METTL15: variants seen among roughly 807,000 people sequenced by gnomAD.
The protein encoded by METTL15 is methyltransferase 15, mitochondrial 12S rRNA N4-cytidine, also known as 12S rRNA N(4)-cytidine methyltransferase METTL15.
In METTL15, 34 loss-of-function variants were observed where a neutral mutation model predicts 38.3. That is an observed-to-expected ratio of 0.89 (90% CI 0.68 to 1.18). The LOEUF is 1.18. METTL15 is among the 50% of genes most tolerant of loss of function. The pLI is 0.00. For synonymous variants in METTL15, 162 were observed against 170.9 expected, an observed-to-expected ratio of 0.95 and a Z score of 0.41; for missense variants, 438 against 498.4, an observed-to-expected ratio of 0.88 and a Z score of 1.15.
chr11:28,308,892 G>GTAGATGGATAGA (rs1555031567), intron 6 of METTL15, among the ~76,000 whole-genome samples: 3 of 146,896 alleles, frequency 2.0e-5, no homozygotes, highest in African/African-American at 5.0e-5. Flanking sequence ...AGGTAGGTAG[G>GTAGATGGATAGA]TAGATAGATA....
At chr11:28,141,140 C>T (rs2133660374) in intron 3 of METTL15, among the ~76,000 whole-genome samples, 1 of 152,160 alleles carries the variant, frequency 6.6e-6, no homozygotes, top group Non-Finnish European at 1.5e-5. Flanking sequence ...AGTTTGGAGG[C>T]TAGGGTTTTT....
chr11:28,507,046 C>T (rs1851634083), intron 6 of METTL15, among the ~76,000 whole-genome samples: 1 of 152,128 alleles, frequency 6.6e-6, no homozygotes, highest in African/African-American at 2.4e-5. Flanking sequence ...GGGCCTGGCC[C>T]TCAGTCTTTT....
intron 5 of METTL15, among the ~76,000 whole-genome samples, chr11:28,417,482 G>T (rs780212209): frequency 1.3e-5 from 2 of 152,156 alleles, no homozygotes; most frequent in Admixed American, 1.3e-4. Flanking sequence ...ATCACAAAAA[G>T]CTCAGATTGT....
chr11:28,463,626 T>C (rs1382902859), intron 6 of METTL15, among the ~76,000 whole-genome samples: 2 of 152,140 alleles, frequency 1.3e-5, no homozygotes, highest in Non-Finnish European at 2.9e-5. Context: ...CTTATGCAGA[T>C]AACGACTCCA....
chr11:28,240,833 A>G (rs1854263147), intron 4 of METTL15, among the ~76,000 whole-genome samples: 1 of 152,204 alleles, frequency 6.6e-6, no homozygotes, highest in Non-Finnish European at 1.5e-5. Flanking sequence ...AGTTTTTTTA[A>G]TAAAGATTAA....
At chr11:28,281,129 C>T (rs1423391757) in intron 4 of METTL15, among the ~76,000 whole-genome samples, 1 of 152,142 alleles carries the variant, frequency 6.6e-6, no homozygotes, top group African/African-American at 2.4e-5. Flanking sequence ...CCAGATACCA[C>T]TTAATGTTGC....
intron 5 of METTL15, among the ~76,000 whole-genome samples, chr11:28,400,417 A>G (rs997797995): frequency 1.3e-5 from 2 of 151,952 alleles, no homozygotes; most frequent in South Asian, 2.1e-4. Flanking sequence ...GATGTGAACC[A>G]TAGGGATTGC....
intron 3 of METTL15, among the ~76,000 whole-genome samples, chr11:28,210,779 G>C (rs532637553): frequency 2.0e-5 from 3 of 151,994 alleles, no homozygotes; most frequent in Admixed American, 6.6e-5. Context: ...ACAACAGTGT[G>C]ACCAGTTTGA....
chr11:28,443,036 CTG>C (rs1851048152), intron 6 of METTL15, among the ~76,000 whole-genome samples: 1 of 152,192 alleles, frequency 6.6e-6, no homozygotes, highest in South Asian at 2.1e-4. Context: ...GTGTTCACAA[CTG>C]TGTTACCCAT....
intron 4 of METTL15, among the ~76,000 whole-genome samples, chr11:28,284,728 AG>A (rs1014787365): frequency 6.6e-6 from 1 of 152,190 alleles, no homozygotes; most frequent in African/African-American, 2.4e-5. Context: ...AACTAGAACA[AG>A]GGGAGCAAGG....
rs1855239573 is a variant in METTL15 at position 28,262,358 on chromosome 11, A to G, written c.408-27848A>G. 2.0e-5 allele frequency among the ~76,000 whole-genome samples: 3 copies of G among 151,048 alleles called. No individual in the cohort carries two copies. The South Asian group carries it at 6.2e-4, about 31-fold the overall frequency. On this transcript the variant is annotated intron_variant, in intron 4 of 6. Coordinates refer to ENST00000407364, the MANE Select transcript of METTL15 (RefSeq NM_001113528.2). ...ATACAGATATATACACTATATAACT[A>G]CAGAGATATATATGTGTATAGTATA... is the stretch of plus-strand genomic sequence containing the variant.
intron 6 of METTL15, among the ~76,000 whole-genome samples, chr11:28,496,718 A>T (rs2133485885): frequency 6.6e-6 from 1 of 152,320 alleles, no homozygotes; most frequent in East Asian, 1.9e-4. Context: ...TGTGCCAGTA[A>T]ATAACAATGT....
chr11:28,220,240 T>C (rs1240775849), intron 4 of METTL15, among the ~76,000 whole-genome samples: 1 of 152,198 alleles, frequency 6.6e-6, no homozygotes, highest in Non-Finnish European at 1.5e-5. Context: ...TGAATCTGGG[T>C]GCTCCTGTAT....
chr11:28,360,612 G>A (rs1850128443), intron 4 of METTL15, among the ~76,000 whole-genome samples: 2 of 152,056 alleles, frequency 1.3e-5, no homozygotes, highest in African/African-American at 4.8e-5. Flanking sequence ...CTAGAATCTA[G>A]GAAGCCTGAC....
chr11:28,427,595 C>A (rs1480565387), intron 6 of METTL15, among the ~76,000 whole-genome samples: 1 of 152,066 alleles, frequency 6.6e-6, no homozygotes, highest in Non-Finnish European at 1.5e-5. Context: ...TGTTTGTGTC[C>A]TCTCTGACTT....
At chr11:28,150,450 A>G (rs1007056777) in intron 3 of METTL15, among the ~76,000 whole-genome samples, 3 of 151,944 alleles carry the variant, frequency 2.0e-5, no homozygotes, top group African/African-American at 7.2e-5. Flanking sequence ...AAACACACAA[A>G]CTAACATTTA....
intron 6 of METTL15, among the ~76,000 whole-genome samples, chr11:28,509,162 G>A (rs190229061): frequency 7.2e-5 from 11 of 152,302 alleles, no homozygotes; most frequent in African/African-American, 2.6e-4. Context: ...GGCTGCAGCT[G>A]TTGCTTGTTA....
intron 3 of METTL15, among the ~76,000 whole-genome samples, chr11:28,172,385 C>A (rs970536012): frequency 6.6e-6 from 1 of 152,008 alleles, no homozygotes; most frequent in African/African-American, 2.4e-5. Context: ...ATTTAAAATA[C>A]GGCAACTTAG....
chr11:28,220,816 C>T (rs1446877863), intron 4 of METTL15, among the ~76,000 whole-genome samples: 3 of 152,078 alleles, frequency 2.0e-5, no homozygotes, highest in Non-Finnish European at 4.4e-5. Context: ...CTCCTTCACT[C>T]ACGAAGCTTA....
Sources: gnomAD v4.1 joint callset for allele counts (sites outside exome capture counted in the v4.1 genomes callset) on GRCh38, gnomAD v4.1.1 for gene constraint, MANE v1.5 for transcripts, NCBI Gene and HGNC (gene_info 2026-07-23, HGNC 2026-07-21) for gene names.